Variants in PTPRS observed in about 807,000 individuals in gnomAD.
PTPRS encodes protein tyrosine phosphatase receptor type S.
PTPRS carries 63 observed loss-of-function variants against 215.3 expected under a neutral mutation model. The observed-to-expected ratio is 0.29, with a 90% CI of 0.24 to 0.36. PTPRS has a LOEUF of 0.36. Ranked by LOEUF, PTPRS falls within the 10% of genes least tolerant of loss-of-function variation. PTPRS has a pLI of 1.00. For synonymous variants in PTPRS, 1,404 were observed against 1,191.4 expected (o/e 1.18, Z -3.68); for missense variants, 2,258 against 2,825.8 (o/e 0.80, Z 4.56).
chr19:5,311,901 G>A (rs372470721), intron 1 of PTPRS, among the ~76,000 whole-genome samples: 12 of 152,174 alleles, frequency 7.9e-5, no homozygotes, highest in African/African-American at 1.4e-4. Context: ...TTAGCCGGGC[G>A]GGGTGGCAGG....
At chr19:5,273,320 C>T (rs1368138010) in intron 4 of PTPRS, 122 bp downstream of exon 4, 1 of 1,414,756 alleles carries the variant, frequency 7.1e-7, no homozygotes, top group Non-Finnish European at 9.9e-7. Flanking sequence ...TAAGGGAGAT[C>T]AAGGTCCTCC....
At chr19:5,252,251 T>C (rs918987327) in intron 9 of PTPRS, among the ~76,000 whole-genome samples, 1 of 152,066 alleles carries the variant, frequency 6.6e-6, no homozygotes, top group Non-Finnish European at 1.5e-5. Flanking sequence ...TTCCAAAACC[T>C]TGAAGATATC....
At chr19:5,219,517 G>A (rs754453512) in intron 22 of PTPRS, 50 bp from the exon 23 acceptor site, 14 of 1,504,060 alleles carry the variant, frequency 9.3e-6, no homozygotes, top group Non-Finnish European at 1.2e-5. Context: ...TCCTTGTAGT[G>A]GCCAGATGGG....
At chr19:5,262,861 T>G (rs1053322905) in intron 6 of PTPRS, 103 bp downstream of exon 6, 1 of 1,285,120 alleles carries the variant, frequency 7.8e-7, no homozygotes, top group Non-Finnish European at 1.1e-6. Flanking sequence ...TGGGTCACAG[T>G]TACCATCACG....
chr19:5,248,533 C>A (rs1172098885), intron 9 of PTPRS, among the ~76,000 whole-genome samples: 1 of 152,128 alleles, frequency 6.6e-6, no homozygotes, highest in Admixed American at 6.5e-5. Flanking sequence ...GTCTTGGCCA[C>A]GGGTTTGGGG....
chr19:5,219,134 G>T, intron 23 of PTPRS, 176 bp downstream of exon 23: 1 of 859,154 alleles, frequency 1.2e-6, no homozygotes, highest in Non-Finnish European at 1.8e-6. Flanking sequence ...TTGAGCCCTA[G>T]CTCTGCCATT....
chr19:5,239,925 A>G (rs1249291831), intron 12 of PTPRS, among the ~76,000 whole-genome samples: 1 of 152,126 alleles, frequency 6.6e-6, no homozygotes, highest in Non-Finnish European at 1.5e-5. Context: ...ACACAGAGAG[A>G]AGCACAGATC....
At chr19:5,310,751 G>A (rs1390666530) in intron 1 of PTPRS, among the ~76,000 whole-genome samples, 1 of 151,964 alleles carries the variant, frequency 6.6e-6, no homozygotes, top group African/African-American at 2.4e-5. Context: ...TGTCACCCAG[G>A]CTGGAGTGCA....
chr19:5,263,569 G>C (rs941975462), intron 5 of PTPRS, among the ~76,000 whole-genome samples: 1 of 152,178 alleles, frequency 6.6e-6, no homozygotes, highest in East Asian at 1.9e-4. Flanking sequence ...GGTGCAGGGT[G>C]ATCTCAACAG....
Position 5,240,256 on chromosome 19 carries a change from C to T in PTPRS, c.1647G>A (p.Arg549=), listed in dbSNP as rs765231910. ...TSITLSWSPP[R]QESIIKYELL... Reference sequence around the variant, plus strand: ...GCTCGTACTTGATGATACTCTCCTGCCGCGGGGGGCTCCAGGACAGCGTGA... The same window carrying T: ...GCTCGTACTTGATGATACTCTCCTGTCGCGGGGGGCTCCAGGACAGCGTGA... Residue 549 remains arginine, a synonymous_variant, in exon 12 of 38, where the codon CGG becomes CGA. Coordinates refer to ENST00000262963, the MANE Select transcript of PTPRS (RefSeq NM_002850.4). The T allele has an allele frequency of 3.8e-6, 6 of 1,585,632 alleles. No individual in the cohort carries two copies. Among genetic ancestry groups the T allele is most frequent in the South Asian group, 2.3e-5 (2 of 86,368 alleles).
intron 1 of PTPRS, among the ~76,000 whole-genome samples, chr19:5,301,106 T>C (rs1053149853): frequency 1.3e-5 from 2 of 152,210 alleles, no homozygotes; most frequent in African/African-American, 4.8e-5. Flanking sequence ...CTGGGAGCTC[T>C]TGCTCCAGCC....
intron 2 of PTPRS, 104 bp from the exon 3 acceptor site, chr19:5,274,448 G>C: frequency 1.5e-6 from 2 of 1,309,866 alleles, no homozygotes; most frequent in Non-Finnish European, 2.1e-6. Context: ...GCCCACGGAA[G>C]TGCCATGTGG....
At chr19:5,225,907 C>G (rs2042449025) in intron 16 of PTPRS, 63 bp from the exon 17 acceptor site, 1 of 1,359,904 alleles carries the variant, frequency 7.4e-7, no homozygotes, top group South Asian at 1.2e-5. Flanking sequence ...CCCACCCCCA[C>G]TCCCCGTGCT....
intron 24 of PTPRS, 106 bp from the exon 25 acceptor site, chr19:5,218,638 G>A (rs555501945): frequency 1.1e-5 from 17 of 1,506,316 alleles, no homozygotes; most frequent in East Asian, 1.1e-4. Context: ...CCATGGACCC[G>A]TATGACTAGG....
At chr19:5,222,467 G>GAGGGGAGC (rs1317572827) in intron 18 of PTPRS, among the ~76,000 whole-genome samples, 2 of 151,186 alleles carry the variant, frequency 1.3e-5, no homozygotes, top group Non-Finnish European at 3.0e-5. Flanking sequence ...GGAAGAGGGG[G>GAGGGGAGC]GAGGGGAGCA....
rs528053428 is a variant in PTPRS, at chr19:5,211,531, C to T, written c.5234+59G>A. 122 of 1,544,674 alleles carry T rather than the reference C, an allele frequency of 7.9e-5. No homozygotes were observed. In the South Asian group the frequency reaches 1.3e-3, roughly 17 times the overall value. ...CTGTCTCCCACAAGACTGGAGGCCTCTTGAGAGTAGAGATGGGCTCCTTCT... is the reference window on the plus strand; with the variant it reads ...CTGTCTCCCACAAGACTGGAGGCCTTTTGAGAGTAGAGATGGGCTCCTTCT... On this transcript the variant is annotated intron_variant, in intron 33 of 37. Transcript: ENST00000262963.
chr19:5,262,707 C>T lies in PTPRS; in HGVS notation c.577+257G>A, dbSNP rs1186426827. On this transcript the variant is annotated intron_variant, in intron 6 of 37. Coordinates refer to ENST00000262963, the MANE Select transcript of PTPRS (RefSeq NM_002850.4). ...AGGTCTGCCTGGCCTTGTCTCTTTT[C>T]CTCTTTTCCTTTGGGTGGACTTGTC... 2.0e-5 allele frequency among the ~76,000 whole-genome samples: 3 copies of T among 151,260 alleles called. No individual in the cohort carries two copies. In the East Asian group the frequency reaches 5.8e-4, roughly 29 times the overall value.
At position 5,212,359 on chromosome 19, in the gene PTPRS, C is replaced by G; in HGVS notation, c.4747G>C (p.Gly1583Arg). 6.2e-7 allele frequency: 1 copy of G among 1,611,490 alleles called. No homozygotes were observed. Among genetic ancestry groups the G allele is most frequent in the Non-Finnish European group, 8.5e-7 (1 of 1,178,900 alleles). ...TACCTGCAGTGAACCACGATGGGGC[C>G]GGCATCTGGCGGGTTGCAGGTCTTG... ...RVKTCNPPDAGPIVVHCSAGV... is the reference protein window; with the variant it reads ...RVKTCNPPDARPIVVHCSAGV... The change falls in exon 31 of 38, where the codon GGC becomes CGC. Residue 1583 changes from glycine (G) to arginine (R), a missense_variant. Gly to Arg is a moderately radical substitution (Grantham distance 125, BLOSUM62 -2). Transcript: ENST00000262963.
rs1364268470 is a variant in PTPRS at position 5,222,993 on chromosome 19, C to T, written c.2799G>A (p.Gln933=). The T allele has an allele frequency of 1.9e-6, 3 of 1,541,544 alleles. No individual in the cohort carries two copies. Among genetic ancestry groups the T allele is most frequent in the South Asian group, 2.4e-5 (2 of 84,236 alleles). Residue 933 remains glutamine, a synonymous_variant, in exon 18 of 38, where the codon CAG becomes CAA. Coordinates refer to ENST00000262963, the MANE Select transcript of PTPRS (RefSeq NM_002850.4). ...IPEDTPRGHP[Q]ILEAAGNASA... is the part of the protein sequence containing the mutation. ...AGGCGTTGCCGGCCGCCTCCAGAATCTGCGGGTGGCCACGGGGCGTGTCCT... is the reference window on the plus strand; with the variant it reads ...AGGCGTTGCCGGCCGCCTCCAGAATTTGCGGGTGGCCACGGGGCGTGTCCT...
Sources: gnomAD v4.1 joint callset for allele counts (sites outside exome capture counted in the v4.1 genomes callset) on GRCh38, gnomAD v4.1.1 for gene constraint, MANE v1.5 for transcripts, NCBI Gene and HGNC (gene_info 2026-07-23, HGNC 2026-07-21) for gene names.